Variants in TJP1 observed in about 807,000 individuals in gnomAD.
TJP1 encodes tight junction protein 1.
Under a neutral mutation model 194.2 loss-of-function variants are expected in TJP1, and 43 were observed. That is an observed-to-expected ratio of 0.22 (90% confidence interval 0.17 to 0.29). The LOEUF is 0.29. TJP1 is among the 10% of genes least tolerant of loss of function. TJP1 has a pLI of 1.00. For synonymous variants in TJP1, 801 were observed against 779.0 expected, an observed-to-expected ratio of 1.03 and a Z score of -0.47; for missense variants, 1,971 against 2,185.7, an observed-to-expected ratio of 0.90 and a Z score of 1.96.
intron 1 of TJP1, among the ~76,000 whole-genome samples, chr15:29,965,190 T>C (rs780612069): frequency 1.6e-4 from 1 of 6,304 alleles, no homozygotes; most frequent in African/African-American, 2.5e-4. Context: ...TCCTCACATT[T>C]ATTTATTTAT....
At chr15:29,949,467 C>A (rs1403654240) in intron 2 of TJP1, among the ~76,000 whole-genome samples, 2 of 124,990 alleles carry the variant, frequency 1.6e-5, no homozygotes, top group Non-Finnish European at 3.4e-5. Context: ...ACTTCCACCA[C>A]CACCACCTCC....
rs2152166219 is a variant in TJP1 at position 29,892,090 on chromosome 15, C to T, written c.306+64142G>A. Reference sequence around the variant, plus strand: ...TGAAAGGAAATCAGAAGTGCTACTCCAGTGAACACATGAATGATAAGAATG... The same window carrying T: ...TGAAAGGAAATCAGAAGTGCTACTCTAGTGAACACATGAATGATAAGAATG... On this transcript the variant is annotated intron_variant, in intron 2 of 28. Transcript: ENST00000356107. Among the ~76,000 whole-genome samples the T allele has an allele frequency of 1.3e-5, 2 of 152,328 alleles. 1 individual carries two copies.
intron 2 of TJP1, among the ~76,000 whole-genome samples, chr15:29,842,302 A>T (rs902611589): frequency 1.3e-5 from 2 of 152,196 alleles, no homozygotes; most frequent in Non-Finnish European, 2.9e-5. Context: ...TGAGCTATAC[A>T]TACATTTAAG....
At chr15:29,827,202 A>G (rs61747377), upstream of TJP1, among the ~76,000 whole-genome samples, 1 of 152,196 alleles carries the variant, frequency 6.6e-6, no homozygotes, top group Non-Finnish European at 1.5e-5. Context: ...AGATCCAGTC[A>G]TGGAGGTTTA....
chr15:29,714,537 C>CTTTT (rs58378713), intron 23 of TJP1, among the ~76,000 whole-genome samples: 5 of 88,982 alleles, frequency 5.6e-5, no homozygotes, highest in Non-Finnish European at 8.8e-5. Context: ...TGCGCCCAGC[C>CTTTT]TTTTTTTTTT....
intron 8 of TJP1, among the ~76,000 whole-genome samples, chr15:29,760,619 C>G (rs1051886574): frequency 6.6e-6 from 1 of 152,056 alleles, no homozygotes; most frequent in Admixed American, 6.6e-5. Context: ...TCAAGTGATC[C>G]GCCTGCCTCG....
intron 2 of TJP1, among the ~76,000 whole-genome samples, chr15:29,791,578 G>A (rs903012970): frequency 2.0e-5 from 3 of 150,648 alleles, no homozygotes; most frequent in South Asian, 2.1e-4. Flanking sequence ...CCACCACCAC[G>A]CTCGGCTGGT....
rs969952036 is a variant in TJP1 at position 29,718,032 on chromosome 15, T to A, written c.3963A>T (p.Lys1321Asn). Residue 1321 changes from lysine (K) to asparagine (N), a missense_variant, in exon 22 of 28, where the codon AAA becomes AAT. Lys to Asn is a moderately conservative substitution (Grantham distance 94). Around this residue, in one of 5 missense-constraint regions of TJP1, gnomAD observed 1,108 missense variants for 1,128.5 expected, o/e 0.98. Transcript: ENST00000614355. ...CAAAGTGTACTCACCTGTACAGAGT[T>A]TTGTCATGTTCACTGAATTGATTCT... ...TSQNQFSEHD[K>N]TLYRIPEPQK... The A allele has an allele frequency of 1.2e-6, 2 of 1,611,754 alleles. No homozygotes were observed. The highest frequency in any genetic ancestry group is 2.7e-5 in the African/African-American group (2 of 74,648).
chr15:29,720,856 A>C, intron 18 of TJP1, 148 bp from the exon 19 acceptor site: 1 of 658,536 alleles, frequency 1.5e-6, no homozygotes, highest in Non-Finnish European at 2.5e-6. Flanking sequence ...AGTCAAGAAG[A>C]TTGTACAAGC....
intron 4 of TJP1, among the ~76,000 whole-genome samples, chr15:29,770,888 A>C (rs2046625851): frequency 6.6e-6 from 1 of 152,006 alleles, no homozygotes; most frequent in Admixed American, 6.6e-5. Context: ...AAAAATATTA[A>C]AACGTTAAAA....
chr15:29,822,645 G>C (rs1402480285), upstream of TJP1: 3 of 236,384 alleles, frequency 1.3e-5, no homozygotes, highest in Non-Finnish European at 2.1e-5. Flanking sequence ...CAAGTAACTT[G>C]GAAGACAGTT....
intron 2 of TJP1, among the ~76,000 whole-genome samples, chr15:29,950,057 T>TCCACAA (rs2055631389): frequency 1.6e-3 from 20 of 12,370 alleles, no homozygotes; most frequent in Non-Finnish European, 3.1e-3. Context: ...CACCACCACC[T>TCCACAA]CCACCACCAC....
chr15:29,795,137 C>G (rs578213809), intron 2 of TJP1, among the ~76,000 whole-genome samples: 144 of 152,186 alleles, frequency 9.5e-4, no homozygotes, highest in African/African-American at 3.4e-3. Flanking sequence ...AAGACACAAA[C>G]TACCAGTCAG....
intron 23 of TJP1, among the ~76,000 whole-genome samples, chr15:29,714,161 G>A (rs1302717417): frequency 1.3e-5 from 2 of 151,982 alleles, no homozygotes; most frequent in Non-Finnish European, 2.9e-5. Flanking sequence ...CTTCTTTCTA[G>A]AAAAACAAAT....
chr15:29,831,333 AG>A (rs2050831330), intron 2 of TJP1, among the ~76,000 whole-genome samples: 2 of 152,248 alleles, frequency 1.3e-5, no homozygotes, highest in East Asian at 3.8e-4. Flanking sequence ...GATCAATCTT[AG>A]CATCACTGAA....
rs45476796 is a variant in TJP1, at chr15:29,732,824, G to C, written c.1737-9C>G. The C allele has an allele frequency of 1.5e-3, 2,306 of 1,562,042 alleles. 37 individuals are homozygous for C. The African/African-American group carries it at 0.028, about 19-fold the overall frequency. ...TGGCTAGCTGCTCAGCTCTACACAA[G>C]AAAGGAGAAAATTAAAATAAGGGCA... On this transcript the variant is annotated splice_polypyrimidine_tract_variant and intron_variant, in intron 13 of 27. Coordinates refer to ENST00000614355, the MANE Select transcript of TJP1 (RefSeq NM_001330239.4).
At chr15:29,929,687 ACT>A (rs1168685745) in intron 2 of TJP1, among the ~76,000 whole-genome samples, 4 of 152,106 alleles carry the variant, frequency 2.6e-5, no homozygotes, top group African/African-American at 7.2e-5. Context: ...ACAGGGCGAA[ACT>A]CTGTCTCAAA....
chr15:29,937,068 T>G (rs1442596791), intron 2 of TJP1, among the ~76,000 whole-genome samples: 1 of 152,246 alleles, frequency 6.6e-6, no homozygotes, highest in South Asian at 2.1e-4. Flanking sequence ...GTTATGAAAT[T>G]TATAAGTTCT....
chr15:29,804,656 TTTTTAAAACTTAATATCCTTA>T (rs1450835280), intron 1 of TJP1, among the ~76,000 whole-genome samples: 45 of 152,316 alleles, frequency 3.0e-4, no homozygotes, highest in Admixed American at 2.9e-3. Flanking sequence ...TATCAAATTA[TTTTTAAAACTTAATATCCTTA>T]TTGTAAACTT....
Sources: allele counts gnomAD v4.1 joint callset (sites outside exome capture counted in the v4.1 genomes callset), GRCh38; gene constraint gnomAD v4.1.1; regional missense constraint gnomAD v4.1.1; transcripts MANE v1.5; gene names NCBI Gene and HGNC (gene_info 2026-07-23, HGNC 2026-07-21).